Variants in HFM1 observed in about 807,000 individuals in gnomAD.
HFM1 encodes the protein probable ATP-dependent DNA helicase HFM1.
HFM1 carries 169 observed loss-of-function variants against 192.1 expected under a neutral mutation model. The ratio of observed to expected loss-of-function variants is 0.88; its 90% CI spans 0.78 to 1.00. HFM1 has a LOEUF of 1.00. HFM1 is among the 50% of genes least tolerant of loss of function. HFM1 has a pLI of 0.00. For synonymous variants in HFM1, 525 were observed against 537.8 expected (o/e 0.98, Z 0.33); for missense variants, 1,661 against 1,668.0 (o/e 1.00, Z 0.07).
intron 34 of HFM1, among the ~76,000 whole-genome samples, chr1:91,271,412 G>C (rs1388900781): frequency 2.0e-5 from 3 of 151,976 alleles, no homozygotes; most frequent in Admixed American, 2.0e-4. Context: ...TGAGACAATT[G>C]GTTCCTTTTC....
At position 91,379,173 on chromosome 1, in the gene HFM1, A is replaced by C. The variant is rs1190366677; in HGVS notation, c.1048T>G (p.Trp350Gly). Residue 350 changes from tryptophan to glycine, a missense_variant, in exon 9 of 39, where the codon TGG becomes GGG. Transcript: ENST00000370425. Reference sequence around the variant, plus strand: ...CCTATTGGTCCAAATTTTTCTTTCCAGTCATCAAAACGCTGACTGCACAAG... The same window carrying C: ...CCTATTGGTCCAAATTTTTCTTTCCCGTCATCAAAACGCTGACTGCACAAG... ...KALCSQRFDD[W>G]KEKFGPIGLN... is the part of the protein sequence containing the mutation. 1 of 1,610,224 alleles carries C rather than the reference A, an allele frequency of 6.2e-7. No individual in the cohort carries two copies. The highest frequency in any genetic ancestry group is 8.5e-7 in the Non-Finnish European group (1 of 1,178,120).
intron 18 of HFM1, among the ~76,000 whole-genome samples, chr1:91,348,093 A>G (rs532655125): frequency 2.6e-5 from 4 of 152,166 alleles, no homozygotes; most frequent in Non-Finnish European, 5.9e-5. Context: ...AATGTTCTAT[A>G]TCTTAATCTG....
At chr1:91,291,996 CA>C (rs1668819869) in intron 30 of HFM1, among the ~76,000 whole-genome samples, 1 of 152,156 alleles carries the variant, frequency 6.6e-6, no homozygotes, top group Non-Finnish European at 1.5e-5. Flanking sequence ...TGACAAAATT[CA>C]ACAACACTTC....
chr1:91,374,047 T>C (rs956367478), intron 13 of HFM1, among the ~76,000 whole-genome samples: 1 of 152,132 alleles, frequency 6.6e-6, no homozygotes. Context: ...GGGAAACTGA[T>C]GGCTATGGAA....
intron 20 of HFM1, among the ~76,000 whole-genome samples, chr1:91,326,057 T>C (rs996711812): frequency 1.7e-4 from 26 of 151,848 alleles, no homozygotes; most frequent in African/African-American, 5.6e-4. Flanking sequence ...TGAAAATACA[T>C]AGTCAGAGGA....
intron 34 of HFM1, 49 bp from the exon 35 acceptor site, chr1:91,267,904 C>T (rs200366359): frequency 3.6e-5 from 36 of 992,816 alleles, no homozygotes; most frequent in Non-Finnish European, 5.5e-5. Context: ...TGTTGGTTTC[C>T]AGATATATTA....
At chr1:91,320,109 A>T (rs1651861790) in intron 23 of HFM1, among the ~76,000 whole-genome samples, 1 of 152,248 alleles carries the variant, frequency 6.6e-6, no homozygotes, top group African/African-American at 2.4e-5. Flanking sequence ...AACTAAAATT[A>T]CTGTACTTAT....
At chr1:91,396,637 T>G (rs1340721991) in intron 2 of HFM1, among the ~76,000 whole-genome samples, 4 of 152,244 alleles carry the variant, frequency 2.6e-5, no homozygotes, top group Admixed American at 2.0e-4. Flanking sequence ...GCAATAACTC[T>G]ATCTCCTTTT....
intron 1 of HFM1, among the ~76,000 whole-genome samples, chr1:91,404,242 A>G (rs1445430507): frequency 6.6e-6 from 1 of 152,240 alleles, no homozygotes; most frequent in Non-Finnish European, 1.5e-5. Context: ...GGACCGAATC[A>G]GCACCTAAAG....
intron 2 of HFM1, among the ~76,000 whole-genome samples, chr1:91,399,181 A>G (rs1244868921): frequency 6.6e-6 from 1 of 152,050 alleles, no homozygotes; most frequent in Non-Finnish European, 1.5e-5. Flanking sequence ...CTCAAATCCT[A>G]CCTTTTCCAA....
chr1:91,300,751 C>T (rs1648616335), intron 30 of HFM1, among the ~76,000 whole-genome samples: 1 of 152,138 alleles, frequency 6.6e-6, no homozygotes, highest in Non-Finnish European at 1.5e-5. Context: ...ATGCTAAAAA[C>T]TCTCAATAAA....
At chr1:91,288,951 G>A (rs1382591451) in intron 30 of HFM1, among the ~76,000 whole-genome samples, 4 of 150,582 alleles carry the variant, frequency 2.7e-5, no homozygotes, top group Non-Finnish European at 1.5e-5. Flanking sequence ...AGACGGGCCG[G>A]CCGGGCAGAG....
intron 23 of HFM1, among the ~76,000 whole-genome samples, chr1:91,320,705 C>A (rs1651959499): frequency 6.6e-6 from 1 of 152,042 alleles, no homozygotes; most frequent in African/African-American, 2.4e-5. Context: ...CTAGTAGGTA[C>A]AGAACCATGG....
At position 91,262,556 on chromosome 1, in the gene HFM1, T is replaced by C; in HGVS notation, c.4011A>G (p.Leu1337=). The C allele has an allele frequency of 6.2e-7, 1 of 1,605,584 alleles. No individual in the cohort carries two copies. Residue 1337 remains leucine (L), a synonymous_variant, in exon 37 of 39, where the codon TTA becomes TTG. Coordinates refer to ENST00000370425, the MANE Select transcript of HFM1 (RefSeq NM_001017975.6). ...VSSHEMSDIS[L]SNSAMPKFSA... ...TGAACTTGGGCATAGCAGAATTTGA[T>C]AAAGAAATATCCGACATCTCATGTG... is the stretch of plus-strand genomic sequence containing the variant.
At position 91,351,593 on chromosome 1, in the gene HFM1, G is replaced by C; in HGVS notation, c.2028C>G (p.Asp676Glu). The C allele has an allele frequency of 6.2e-7, 1 of 1,602,876 alleles. No homozygotes were observed. Among genetic ancestry groups the C allele is most frequent in the Non-Finnish European group, 8.5e-7 (1 of 1,174,174 alleles). The part of the protein sequence containing the change: ...AVIMTRLSTR[D>E]KYIQMLACRD... ...TACAAGCTAACATCTGAATGTACTT[G>C]TCCCTTGTGCTTAATCGAGTCATGA... Residue 676 changes from aspartate (D) to glutamate (E), a missense_variant, in exon 17 of 39, where the codon GAC becomes GAG. Transcript: ENST00000370425.
At chr1:91,278,395 G>A (rs1667151967) in intron 30 of HFM1, among the ~76,000 whole-genome samples, 1 of 152,074 alleles carries the variant, frequency 6.6e-6, no homozygotes, top group Non-Finnish European at 1.5e-5. Flanking sequence ...GGTCCTTGAA[G>A]GACAGATGGA....
chr1:91,284,344 T>A (rs771227346), intron 30 of HFM1, among the ~76,000 whole-genome samples: 8 of 151,972 alleles, frequency 5.3e-5, no homozygotes, highest in Non-Finnish European at 1.0e-4. Flanking sequence ...AAGGCTCAAG[T>A]GATTCACCTG....
intron 11 of HFM1, among the ~76,000 whole-genome samples, chr1:91,376,778 CATT>C (rs1391577935): frequency 2.0e-5 from 3 of 151,414 alleles, no homozygotes; most frequent in Non-Finnish European, 4.4e-5. Context: ...ATAATAATTC[CATT>C]ATTATACTAT....
intron 30 of HFM1, among the ~76,000 whole-genome samples, chr1:91,307,824 C>G (rs1649861999): frequency 6.6e-6 from 1 of 151,908 alleles, no homozygotes; most frequent in Non-Finnish European, 1.5e-5. Context: ...TTTTCTTTCT[C>G]TTTCTTCCTC....
Sources: gnomAD v4.1 joint callset for allele counts (sites outside exome capture counted in the v4.1 genomes callset) on GRCh38, gnomAD v4.1.1 for gene constraint, MANE v1.5 for transcripts, NCBI Gene and HGNC (gene_info 2026-07-23, HGNC 2026-07-21) for gene names.